FBXL7: variants seen among roughly 807,000 people sequenced by gnomAD.
FBXL7 encodes F-box/LRR-repeat protein 7.
FBXL7 carries 12 observed loss-of-function variants against 38.3 expected under a neutral mutation model. The observed-to-expected ratio is 0.31, with a 90% CI of 0.20 to 0.51. FBXL7 has a LOEUF of 0.51. Ranked by LOEUF, FBXL7 falls within the 20% of genes least tolerant of loss-of-function variation. The pLI, the probability that FBXL7 is intolerant of heterozygous loss-of-function variation, is 0.98. For missense variants in FBXL7, 567 were observed against 676.4 expected (o/e 0.84, Z 1.79); for synonymous variants, 297 against 300.9 (o/e 0.99, Z 0.13).
intron 2 of FBXL7, among the ~76,000 whole-genome samples, chr5:15,756,083 T>G (rs1736289396): frequency 6.6e-6 from 1 of 152,214 alleles, no homozygotes; most frequent in African/African-American, 2.4e-5. Flanking sequence ...ACTAAGAATT[T>G]TCACAGTTCT....
At chr5:15,755,010 A>G (rs374244272) in intron 2 of FBXL7, among the ~76,000 whole-genome samples, 1 of 152,154 alleles carries the variant, frequency 6.6e-6, no homozygotes, top group East Asian at 1.9e-4. Context: ...ATGCTCTCTG[A>G]TGGGAAAATA....
chr5:15,715,801 G>A (rs1189415254), intron 2 of FBXL7, among the ~76,000 whole-genome samples: 1 of 152,092 alleles, frequency 6.6e-6, no homozygotes, highest in African/African-American at 2.4e-5. Context: ...TCCTATCTAA[G>A]CATGCTACTT....
chr5:15,743,114 C>T (rs1471001382), intron 2 of FBXL7, among the ~76,000 whole-genome samples: 1 of 152,110 alleles, frequency 6.6e-6, no homozygotes, highest in Non-Finnish European at 1.5e-5. Flanking sequence ...TCACTCCTGG[C>T]CCCTCCCAAA....
chr5:15,786,996 A>C (rs939385774), intron 2 of FBXL7, among the ~76,000 whole-genome samples: 1 of 152,170 alleles, frequency 6.6e-6, no homozygotes, highest in African/African-American at 2.4e-5. Flanking sequence ...CATGGAAGAG[A>C]AATCTATGTG....
intron 2 of FBXL7, among the ~76,000 whole-genome samples, chr5:15,785,122 C>T (rs1737100854): frequency 6.6e-6 from 1 of 152,230 alleles, no homozygotes; most frequent in Middle Eastern, 3.4e-3. Flanking sequence ...AGAAAAACAG[C>T]TTATGATTAC....
In FBXL7 at chr5:15,936,592, G is replaced by C. The variant is rs770492829; in HGVS notation, c.882G>C (p.Ala294=). The change falls in exon 4 of 4, where the codon GCG becomes GCC. Residue 294 remains alanine (A), a synonymous_variant. Coordinates refer to ENST00000504595, the MANE Select transcript of FBXL7 (RefSeq NM_012304.5). This position sits in a 1 kb window ranked among gnomAD's most constrained non-coding sequence, Gnocchi z 6.0. ...AGGACGAAGGCCTGCACACCATCGCGGCGCACTGCACGCAGCTCACCCACC... is the reference window on the plus strand; with the variant it reads ...AGGACGAAGGCCTGCACACCATCGCCGCGCACTGCACGCAGCTCACCCACC... ...VLEDEGLHTI[A]AHCTQLTHLY... 6.2e-7 allele frequency: 1 copy of C among 1,611,686 alleles called. No individual in the cohort carries two copies.
At chr5:15,530,890 G>C (rs1359750237) in intron 1 of FBXL7, among the ~76,000 whole-genome samples, 3 of 152,154 alleles carry the variant, frequency 2.0e-5, no homozygotes, top group Admixed American at 6.5e-5. Context: ...TGTAACACCC[G>C]TAGAACTGAT....
Position 15,738,464 on chromosome 5 carries a change from A to C in FBXL7, c.127+122392A>C, listed in dbSNP as rs374428659. Among the ~76,000 whole-genome samples, 10 of 152,284 alleles carry C rather than the reference A, an allele frequency of 6.6e-5. No homozygotes were observed. The East Asian group carries it at 1.7e-3, about 26-fold the overall frequency. On this transcript the variant is annotated intron_variant, in intron 2 of 3. Transcript: ENST00000504595. ...GCTTTACTGGAAGACCTTAGCATACAGGCAGTTTCCCTTCTTGTTATCTAC... is the reference window on the plus strand; with the variant it reads ...GCTTTACTGGAAGACCTTAGCATACCGGCAGTTTCCCTTCTTGTTATCTAC...
At chr5:15,795,661 T>C (rs757886920) in intron 2 of FBXL7, among the ~76,000 whole-genome samples, 8 of 152,232 alleles carry the variant, frequency 5.3e-5, no homozygotes, top group African/African-American at 1.9e-4. Context: ...AATCAGCTTA[T>C]GGATTTTGTT....
In FBXL7 at chr5:15,937,404, T is replaced by G; in HGVS notation, c.*218T>G. On this transcript the variant is annotated 3_prime_UTR_variant, in exon 4 of 4. Coordinates refer to ENST00000504595, the MANE Select transcript of FBXL7 (RefSeq NM_012304.5). ...GCAAACAGGCATTTTGGTCAGGTCA[T>G]TTGTAGGCAGTTTCTCTTCTCACAA... 1 of 581,118 alleles carries G rather than the reference T, an allele frequency of 1.7e-6. No individual in the cohort carries two copies. Among genetic ancestry groups the G allele is most frequent in the South Asian group, 2.3e-5 (1 of 42,556 alleles). The allele number at this position is 581,118 out of a possible 1,614,324, so 36.0% of individuals were successfully genotyped here.
intron 1 of FBXL7, among the ~76,000 whole-genome samples, chr5:15,542,610 G>GA (rs1193892134): frequency 2.6e-5 from 4 of 152,130 alleles, no homozygotes; most frequent in African/African-American, 9.7e-5. Flanking sequence ...CAACATGTGG[G>GA]AAGAGCCAGA....
chr5:15,922,918 A>ACATCACCC (rs1285105725), intron 2 of FBXL7, among the ~76,000 whole-genome samples: 81 of 152,374 alleles, frequency 5.3e-4, no homozygotes, highest in African/African-American at 1.9e-3. Flanking sequence ...TTGCACCAAG[A>ACATCACCC]CATCAGATCA....
At chr5:15,697,018 A>G (rs1226495464) in intron 2 of FBXL7, among the ~76,000 whole-genome samples, 1 of 152,208 alleles carries the variant, frequency 6.6e-6, no homozygotes, top group East Asian at 1.9e-4. Flanking sequence ...AAAGTAGGTG[A>G]TCAATAAATG....
chr5:15,904,803 AC>A (rs1741316066), intron 2 of FBXL7, among the ~76,000 whole-genome samples: 1 of 152,118 alleles, frequency 6.6e-6, no homozygotes, highest in African/African-American at 2.4e-5. Context: ...ATATCTGGCC[AC>A]CCATGTCACA....
At chr5:15,768,234 A>G (rs1164455642) in intron 2 of FBXL7, among the ~76,000 whole-genome samples, 1 of 152,144 alleles carries the variant, frequency 6.6e-6, no homozygotes, top group Non-Finnish European at 1.5e-5. Context: ...TCATTTGCCT[A>G]AACAGTAACA....
intron 1 of FBXL7, among the ~76,000 whole-genome samples, chr5:15,576,366 G>A (rs1738970434): frequency 6.6e-6 from 1 of 152,106 alleles, no homozygotes; most frequent in Non-Finnish European, 1.5e-5. Context: ...TTACGGGCAT[G>A]AGCCACTGTG....
rs571523917 is a variant in FBXL7 at position 15,687,464 on chromosome 5, C to T, written c.127+71392C>T. Among the ~76,000 whole-genome samples, 3 of 152,336 alleles carry T rather than the reference C, an allele frequency of 2.0e-5. No individual in the cohort carries two copies. In the East Asian group the frequency reaches 5.8e-4, roughly 29 times the overall value. On this transcript the variant is annotated intron_variant, in intron 2 of 3. Coordinates refer to ENST00000504595, the MANE Select transcript of FBXL7 (RefSeq NM_012304.5). ...CATCAAAGAGGCCCACATGCACTCA[C>T]TGTTCCCAATGAGTGCTAATTCGAA...
intron 2 of FBXL7, among the ~76,000 whole-genome samples, chr5:15,737,705 T>C (rs1266274675): frequency 1.3e-5 from 2 of 152,222 alleles, no homozygotes; most frequent in Non-Finnish European, 2.9e-5. Context: ...AATACATTTT[T>C]ATCACTTTGT....
chr5:15,726,211 T>A (rs972654530), intron 2 of FBXL7, among the ~76,000 whole-genome samples: 3 of 152,320 alleles, frequency 2.0e-5, no homozygotes, highest in Admixed American at 6.5e-5. Context: ...GCATAGAATA[T>A]CTTTTCATAG....
Sources: allele counts gnomAD v4.1 joint callset (sites outside exome capture counted in the v4.1 genomes callset), GRCh38; gene constraint gnomAD v4.1.1; non-coding constraint Gnocchi (gnomAD v3.1); transcripts MANE v1.5; gene names NCBI Gene and HGNC (gene_info 2026-07-23, HGNC 2026-07-21).